Variants in KCNH8 observed in about 807,000 individuals in gnomAD.
KCNH8 encodes potassium voltage-gated channel subfamily H member 8.
Under a neutral mutation model 103.6 loss-of-function variants are expected in KCNH8, and 70 were observed. That is an observed-to-expected ratio of 0.68 (90% CI 0.56 to 0.82). The LOEUF (loss-of-function observed/expected upper bound fraction) is 0.82. Ranked by LOEUF, KCNH8 falls within the 40% of genes least tolerant of loss-of-function variation. The pLI, the probability that KCNH8 is intolerant of heterozygous loss-of-function variation, is 0.00. For missense variants in KCNH8, 1,217 were observed against 1,329.9 expected (o/e 0.92, Z 1.32); for synonymous variants, 498 against 489.4 (o/e 1.02, Z -0.23).
intron 7 of KCNH8, among the ~76,000 whole-genome samples, chr3:19,419,935 C>G (rs2066926358): frequency 6.6e-6 from 1 of 152,120 alleles, no homozygotes; most frequent in Non-Finnish European, 1.5e-5. Flanking sequence ...CTTGACAGCT[C>G]TCAATGAACC....
intron 3 of KCNH8, among the ~76,000 whole-genome samples, chr3:19,294,307 T>C (rs1227664954): frequency 6.6e-6 from 1 of 152,202 alleles, no homozygotes. Context: ...TCTACGGTGA[T>C]TGATATGTAC....
At chr3:19,458,311 A>G (rs946649885) in intron 11 of KCNH8, among the ~76,000 whole-genome samples, 1 of 152,016 alleles carries the variant, frequency 6.6e-6, no homozygotes, top group Non-Finnish European at 1.5e-5. Flanking sequence ...CCATGACAGC[A>G]TAAAATGACA....
intron 15 of KCNH8, among the ~76,000 whole-genome samples, chr3:19,526,906 G>C (rs985490261): frequency 3.3e-5 from 5 of 151,992 alleles, no homozygotes; most frequent in Non-Finnish European, 7.4e-5. Context: ...GATTTGTAGA[G>C]TTCTATTATG....
intron 5 of KCNH8, among the ~76,000 whole-genome samples, chr3:19,377,450 G>A (rs566022719): frequency 9.9e-5 from 15 of 152,154 alleles, no homozygotes; most frequent in African/African-American, 9.7e-5. Context: ...TAAATCAGAC[G>A]TAGGGACAAT....
intron 7 of KCNH8, among the ~76,000 whole-genome samples, chr3:19,399,306 A>G (rs891093847): frequency 6.6e-6 from 1 of 151,982 alleles, no homozygotes; most frequent in Non-Finnish European, 1.5e-5. Flanking sequence ...GAGGACGTCA[A>G]TAAATATCTA....
At chr3:19,313,527 T>G (rs2065233161) in intron 3 of KCNH8, among the ~76,000 whole-genome samples, 1 of 151,918 alleles carries the variant, frequency 6.6e-6, no homozygotes, top group Non-Finnish European at 1.5e-5. Flanking sequence ...ACTTACAGAT[T>G]GGGAACTATG....
intron 11 of KCNH8, among the ~76,000 whole-genome samples, chr3:19,476,836 A>G (rs1046257508): frequency 1.3e-5 from 2 of 152,142 alleles, no homozygotes; most frequent in African/African-American, 4.8e-5. Flanking sequence ...GCTTTTAAAT[A>G]GGTATCAAGA....
intron 8 of KCNH8, among the ~76,000 whole-genome samples, chr3:19,441,107 G>T (rs1028785752): frequency 1.3e-5 from 2 of 152,160 alleles, no homozygotes; most frequent in Non-Finnish European, 2.9e-5. Context: ...CACCTCAGCA[G>T]CAGCAGGTGG....
intron 11 of KCNH8, among the ~76,000 whole-genome samples, chr3:19,462,276 T>C (rs938640393): frequency 6.6e-6 from 1 of 152,220 alleles, no homozygotes; most frequent in South Asian, 2.1e-4. Context: ...AAAGTGTTCC[T>C]ATTTCTCCAT....
intron 8 of KCNH8, among the ~76,000 whole-genome samples, chr3:19,446,831 CAAAGGG>C (rs1383337720): frequency 2.6e-5 from 4 of 151,678 alleles, no homozygotes; most frequent in Non-Finnish European, 5.9e-5. Flanking sequence ...AAGGAAAAGA[CAAAGGG>C]AAAGAGAAAG....
intron 3 of KCNH8, among the ~76,000 whole-genome samples, chr3:19,330,255 T>TC (rs143042292): frequency 1.3e-5 from 2 of 152,300 alleles, no homozygotes; most frequent in East Asian, 3.9e-4. Context: ...GAGGCCAGTT[T>TC]CTCTATTGAT....
At position 19,533,782 on chromosome 3, in the gene KCNH8, GA is replaced by G. The variant is rs1263603276; in HGVS notation, c.3009del (p.Gly1004ValfsTer6). 6.2e-7 allele frequency: 1 copy of G among 1,614,062 alleles called. No individual in the cohort carries two copies. Among genetic ancestry groups the G allele is most frequent in the East Asian group, 2.2e-5 (1 of 44,894 alleles). On this transcript the variant is annotated frameshift_variant, in exon 16 of 16. Coordinates refer to ENST00000328405, the MANE Select transcript of KCNH8 (RefSeq NM_144633.3). LOFTEE classifies it high-confidence loss of function. Reference sequence around the variant, plus strand: ...ACCTTCCCACTACCAGGTTGTCCAAGAAGGTCATTTGCAATTTTTAAGGTGC... The same window carrying G: ...ACCTTCCCACTACCAGGTTGTCCAAGAGGTCATTTGCAATTTTTAAGGTGC... ...YSPSHYQVVQ[E>X]GHLQFLRCIS...
At chr3:19,319,320 C>G (rs2065318847) in intron 3 of KCNH8, among the ~76,000 whole-genome samples, 1 of 152,002 alleles carries the variant, frequency 6.6e-6, no homozygotes, top group Non-Finnish European at 1.5e-5. Flanking sequence ...AGTATTTGCA[C>G]CATCTTGAGT....
chr3:19,262,831 A>G (rs899791729), intron 2 of KCNH8, among the ~76,000 whole-genome samples: 3 of 152,082 alleles, frequency 2.0e-5, no homozygotes, highest in Non-Finnish European at 4.4e-5. Context: ...CAAAATAAAA[A>G]GATAGTTTAT....
chr3:19,318,355 T>A (rs2065302186), intron 3 of KCNH8, among the ~76,000 whole-genome samples: 1 of 151,692 alleles, frequency 6.6e-6, no homozygotes, highest in African/African-American at 2.4e-5. Context: ...TTGTGATTTC[T>A]GAGATTTTGA....
At chr3:19,503,133 T>G (rs1254911321) in intron 11 of KCNH8, among the ~76,000 whole-genome samples, 14 of 150,974 alleles carry the variant, frequency 9.3e-5, no homozygotes, top group African/African-American at 3.4e-4. Context: ...GAACAGACAC[T>G]TCTCAAAAGA....
At chr3:19,328,627 A>T (rs2065463941) in intron 3 of KCNH8, among the ~76,000 whole-genome samples, 1 of 152,162 alleles carries the variant, frequency 6.6e-6, no homozygotes, top group South Asian at 2.1e-4. Context: ...TGTGGAAAAA[A>T]ATATATAAAT....
intron 1 of KCNH8, among the ~76,000 whole-genome samples, chr3:19,163,662 A>G (rs1040689205): frequency 6.6e-6 from 1 of 152,176 alleles, no homozygotes; most frequent in Admixed American, 6.5e-5. Flanking sequence ...TTGACTCTTG[A>G]ACAACAGAGG....
rs368864689 is a variant in KCNH8 at position 19,487,368 on chromosome 3, G to A, written c.2041-22995G>A. 2.7e-3 allele frequency among the ~76,000 whole-genome samples: 411 copies of A among 152,306 alleles called. 4 individuals are homozygous for A. Among genetic ancestry groups the A allele is most frequent in the African/African-American group, 8.3e-3 (344 of 41,576 alleles). On this transcript the variant is annotated intron_variant, in intron 11 of 15. Coordinates refer to ENST00000328405, the MANE Select transcript of KCNH8 (RefSeq NM_144633.3). ...GTCACTGTAGCTTGGCTGACCAAGC[G>A]CAAGTCCTGCACTGGCCGGTAGTCC...
Sources: gnomAD v4.1 joint callset for allele counts (sites outside exome capture counted in the v4.1 genomes callset) on GRCh38, gnomAD v4.1.1 for gene constraint, MANE v1.5 for transcripts, NCBI Gene and HGNC (gene_info 2026-07-23, HGNC 2026-07-21) for gene names.